LDB1: variants seen among roughly 807,000 people sequenced by gnomAD.
LDB1 encodes LIM domain-binding protein 1.
In LDB1, 6 loss-of-function variants were observed where a neutral mutation model predicts 49.7. The observed-to-expected ratio is 0.12, with a 90% CI of 0.07 to 0.24. The LOEUF is 0.24. LDB1 is among the 10% of genes least tolerant of loss of function. The pLI, the probability that LDB1 is intolerant of heterozygous loss-of-function variation, is 1.00. For missense variants in LDB1, 341 were observed against 561.7 expected, an observed-to-expected ratio of 0.61 and a Z score of 3.97; for synonymous variants, 233 against 202.0, an observed-to-expected ratio of 1.15 and a Z score of -1.30.
Position 102,111,164 on chromosome 10 carries a change from G to C in LDB1, c.174-20C>G. ...TGCCTCCTGGAGGAAGTGAAGGAGA[G>C]AGGTCAGTAGGAGCGGAGCCTGCCC... is the stretch of plus-strand genomic sequence containing the variant. On this transcript the variant is annotated intron_variant, in intron 3 of 10. Transcript: ENST00000673968. 2 of 1,612,948 alleles carry C rather than the reference G, an allele frequency of 1.2e-6. No homozygotes were observed. Among genetic ancestry groups the C allele is most frequent in the African/African-American group, 1.3e-5 (1 of 75,014 alleles).
intron 1 of LDB1, among the ~76,000 whole-genome samples, chr10:102,118,051 G>A (rs1204138690): frequency 6.6e-6 from 1 of 151,882 alleles, no homozygotes; most frequent in Non-Finnish European, 1.5e-5. Context: ...GGCCTGCCAG[G>A]GCGCCTCAGC....
intron 1 of LDB1, among the ~76,000 whole-genome samples, chr10:102,116,745 C>G (rs548073543): frequency 7.9e-5 from 12 of 152,122 alleles, no homozygotes; most frequent in African/African-American, 2.9e-4. Context: ...TAGAATAAAC[C>G]CCAGCTTTCA....
downstream of LDB1, among the ~76,000 whole-genome samples, chr10:102,104,517 C>T (rs886484455): frequency 2.6e-5 from 4 of 152,134 alleles, no homozygotes; most frequent in Non-Finnish European, 5.9e-5. Context: ...GAGGGTCTCT[C>T]TCTTCCCTCA....
intron 1 of LDB1, among the ~76,000 whole-genome samples, chr10:102,119,450 CA>C (rs1284481880): frequency 6.6e-6 from 1 of 152,158 alleles, no homozygotes; most frequent in Non-Finnish European, 1.5e-5. Flanking sequence ...TACCTCTCCA[CA>C]AATCACTCTA....
chr10:102,110,038 A>G lies in LDB1; in HGVS notation c.531T>C (p.Cys177=). The change falls in exon 7 of 11, where the codon TGT becomes TGC. Residue 177 remains cysteine, a synonymous_variant. Coordinates refer to ENST00000673968, the MANE Select transcript of LDB1 (RefSeq NM_001113407.3). ...ACTCCAGGTACAACCGGCCCTCCAC[A>G]CACACCTGGGGACAGGCTTGTCAGA... is the stretch of plus-strand genomic sequence containing the variant. ...QHGKPMFTQV[C]VEGRLYLEFM... 1.2e-6 allele frequency: 2 copies of G among 1,612,072 alleles called. No individual in the cohort carries two copies. The highest frequency in any genetic ancestry group is 1.7e-6 in the Non-Finnish European group (2 of 1,179,132).
intron 1 of LDB1, among the ~76,000 whole-genome samples, chr10:102,115,758 G>C (rs982900747): frequency 4.6e-5 from 7 of 152,166 alleles, no homozygotes; most frequent in African/African-American, 1.7e-4. Context: ...TAGTGGATAG[G>C]ACCTGTTCTC....
intron 1 of LDB1, among the ~76,000 whole-genome samples, chr10:102,113,133 A>AC (rs2068279950): frequency 6.6e-6 from 1 of 152,162 alleles, no homozygotes; most frequent in African/African-American, 2.4e-5. Context: ...GGGGGAAGAG[A>AC]CAAAAGAAGA....
chr10:102,109,709 G>C lies in LDB1; in HGVS notation c.649-26C>G, dbSNP rs200400961. ...CTAGAGTGGGAGAAAAGACAAGAAA[G>C]AACACTGACACCTGGGTTGCCTCTG... is the stretch of plus-strand genomic sequence containing the variant. On this transcript the variant is annotated intron_variant, in intron 7 of 10. Coordinates refer to ENST00000673968, the MANE Select transcript of LDB1 (RefSeq NM_001113407.3). This position sits in a 1 kb window ranked among gnomAD's most constrained non-coding sequence, Gnocchi z 5.8. The C allele has an allele frequency of 3.7e-6, 6 of 1,609,496 alleles. No homozygotes were observed. Among genetic ancestry groups the C allele is most frequent in the Non-Finnish European group, 5.1e-6 (6 of 1,175,920 alleles).
At chr10:102,111,357 AG>A (rs1420504189) in intron 2 of LDB1, 57 bp from the exon 3 acceptor site, 38 of 1,598,926 alleles carry the variant, frequency 2.4e-5, no homozygotes, top group Non-Finnish European at 3.0e-5. Flanking sequence ...TATTGGGGGC[AG>A]GGGGCTACTC....
At chr10:102,113,295 G>A (rs1307864544) in intron 1 of LDB1, among the ~76,000 whole-genome samples, 1 of 152,150 alleles carries the variant, frequency 6.6e-6, no homozygotes, top group Non-Finnish European at 1.5e-5. Context: ...CTGCCTAGCA[G>A]GCTTTCACCC....
chr10:102,114,363 C>T lies in LDB1; in HGVS notation c.26-2827G>A, dbSNP rs1037937138. On this transcript the variant is annotated intron_variant, in intron 1 of 10. Transcript: ENST00000673968. ...ATCAGGCCCGGGCCGGGCTGAGGGC[C>T]TTCCGCCCACCCCCAACAGGCTCGC... 4.1e-6 allele frequency: 4 copies of T among 986,196 alleles called. No individual in the cohort carries two copies. In the African/African-American group the frequency reaches 7.0e-5, roughly 17 times the overall value. The allele number at this position is 986,196 out of a possible 1,614,324, so 61.1% of individuals were successfully genotyped here. A position where few individuals can be genotyped will look rare whatever the true frequency, so the allele number is the denominator to read the frequency against.
rs558516308 is a variant in LDB1 at position 102,106,541 on chromosome 10, C to CAAAAAAAAAA, written c.*1542_*1551dup. ...GGTACCATACATGACTCAAATGGCC[C>CAAAAAAAAAA]AAAAAAAAAAAAAAAAAAAAAAAAA... On this transcript the variant is annotated 3_prime_UTR_variant, in exon 11 of 11. Coordinates refer to ENST00000673968, the MANE Select transcript of LDB1 (RefSeq NM_001113407.3). 7.3e-4 allele frequency among the ~76,000 whole-genome samples: 13 copies of CAAAAAAAAAA among 17,782 alleles called. 3 individuals carry two copies. The highest frequency in any genetic ancestry group is 1.3e-3 in the Non-Finnish European group (12 of 9,522). The allele number at this position is 17,782 out of a possible 152,430, so 11.7% of individuals were successfully genotyped here.
rs192603473 is a variant in LDB1, at chr10:102,107,207, G to A, written c.*886C>T. On this transcript the variant is annotated 3_prime_UTR_variant, in exon 11 of 11. Coordinates refer to ENST00000673968, the MANE Select transcript of LDB1 (RefSeq NM_001113407.3). ...AGCTGCTCTTGTGGAGGACTTGTAA[G>A]GAATATACATACCATGGGGGTGGGG... Among the ~76,000 whole-genome samples, 314 of 152,228 alleles carry A rather than the reference G, an allele frequency of 2.1e-3. No homozygotes were observed. The highest frequency in any genetic ancestry group is 5.5e-3 in the African/African-American group (229 of 41,538).
chr10:102,121,038 C>T (rs751420169), upstream of LDB1, among the ~76,000 whole-genome samples: 10 of 152,188 alleles, frequency 6.6e-5, no homozygotes, highest in Non-Finnish European at 1.2e-4. Context: ...AAATTAACCA[C>T]TCCTCCTTTG....
In LDB1 at chr10:102,115,011, AGG is replaced by A. The variant is rs749738956; in HGVS notation, c.26-3477_26-3476del. 7.1e-5 allele frequency: 18 copies of A among 255,076 alleles called. 1 individual carries two copies. Among genetic ancestry groups the A allele is most frequent in the Admixed American group, 6.5e-4 (10 of 15,400 alleles). 15.8% of individuals were successfully genotyped at this position (255,076 alleles called of 1,614,324 possible). Reference sequence around the variant, plus strand: ...CGAGCCTCTCTCAGAATGAGGCCCCAGGGCGGGCGGAGGGTGGAGCTGCCCCC... The same window carrying A: ...CGAGCCTCTCTCAGAATGAGGCCCCAGCGGGCGGAGGGTGGAGCTGCCCCC... On this transcript the variant is annotated intron_variant, in intron 1 of 10. Transcript: ENST00000673968.
chr10:102,112,548 T>G (rs751076238), intron 1 of LDB1, among the ~76,000 whole-genome samples: 17 of 152,158 alleles, frequency 1.1e-4, no homozygotes, highest in Admixed American at 2.6e-4. Context: ...AGATAACCAG[T>G]TGGGCCTTCT....
intron 1 of LDB1, among the ~76,000 whole-genome samples, chr10:102,115,614 G>T (rs1176265225): frequency 3.3e-5 from 5 of 152,046 alleles, no homozygotes; most frequent in African/African-American, 7.2e-5. Flanking sequence ...CACCACCACT[G>T]AAGACAAGTG....
Position 102,117,583 on chromosome 10 carries a change from GCCC to G in LDB1, c.25+2500_25+2502del, listed in dbSNP as rs2068350535. Among the ~76,000 whole-genome samples, 1 of 152,078 alleles carries G rather than the reference GCCC, an allele frequency of 6.6e-6. No individual in the cohort carries two copies. Among genetic ancestry groups the G allele is most frequent in the African/African-American group, 2.4e-5 (1 of 41,412 alleles). ...CCTGACCCAGGCCTCCAGTGTGCCTGCCCCCCTTCCTTTGTCTGTGCCCGGCCT... is the reference window on the plus strand; with the variant it reads ...CCTGACCCAGGCCTCCAGTGTGCCTGCCCTTCCTTTGTCTGTGCCCGGCCT... On this transcript the variant is annotated intron_variant, in intron 1 of 10. Transcript: ENST00000673968. This position sits in a 1 kb window ranked among gnomAD's most constrained non-coding sequence, Gnocchi z 4.2.
At chr10:102,106,425 G>A (rs2068160321), downstream of LDB1, among the ~76,000 whole-genome samples, 1 of 151,544 alleles carries the variant, frequency 6.6e-6, no homozygotes, top group Non-Finnish European at 1.5e-5. Context: ...GGAACTGCAA[G>A]GATGGGGAAA....
Sources: allele counts gnomAD v4.1 joint callset (sites outside exome capture counted in the v4.1 genomes callset), GRCh38; gene constraint gnomAD v4.1.1; non-coding constraint Gnocchi (gnomAD v3.1); transcripts MANE v1.5; gene names NCBI Gene and HGNC (gene_info 2026-07-23, HGNC 2026-07-21).